NDST3: variants seen among roughly 807,000 people sequenced by gnomAD.
NDST3 encodes the protein bifunctional heparan sulfate N-deacetylase/N-sulfotransferase 3.
NDST3 carries 58 observed loss-of-function variants against 96.1 expected under a neutral mutation model. The ratio of observed to expected loss-of-function variants is 0.60; its 90% confidence interval spans 0.49 to 0.75. The LOEUF is 0.75. Ranked by LOEUF, NDST3 falls within the 30% of genes least tolerant of loss-of-function variation. The probability of loss-of-function intolerance (pLI) is 0.00; values close to 1 mark genes in which losing one functional copy is unlikely to be tolerated. For missense variants in NDST3, 788 were observed against 1,034.2 expected, an observed-to-expected ratio of 0.76 and a Z score of 3.27; for synonymous variants, 333 against 359.7, an observed-to-expected ratio of 0.93 and a Z score of 0.84.
intron 2 of NDST3, among the ~76,000 whole-genome samples, chr4:118,082,099 T>C (rs923036548): frequency 4.6e-5 from 7 of 152,166 alleles, no homozygotes; most frequent in African/African-American, 1.7e-4. Flanking sequence ...CAAATTCCTA[T>C]CACAAAGTCT....
intron 1 of NDST3, among the ~76,000 whole-genome samples, chr4:118,038,082 C>T (rs1005224083): frequency 1.3e-5 from 2 of 152,182 alleles, no homozygotes; most frequent in Non-Finnish European, 2.9e-5. Context: ...TTAACACTCT[C>T]TTGTTCCCAT....
chr4:118,250,455 T>C (rs1741619257), intron 12 of NDST3, among the ~76,000 whole-genome samples: 1 of 152,184 alleles, frequency 6.6e-6, no homozygotes, highest in African/African-American at 2.4e-5. Context: ...TGACCATTCA[T>C]ATGTGTTCTT....
chr4:118,128,357 C>A (rs1055946999), intron 4 of NDST3, among the ~76,000 whole-genome samples: 1 of 151,848 alleles, frequency 6.6e-6, no homozygotes, highest in Non-Finnish European at 1.5e-5. Flanking sequence ...GAGGTATGTA[C>A]CTTCTATACC....
intron 6 of NDST3, among the ~76,000 whole-genome samples, chr4:118,143,927 A>T (rs1331162213): frequency 6.6e-6 from 1 of 152,180 alleles, no homozygotes; most frequent in Non-Finnish European, 1.5e-5. Flanking sequence ...CCTCCTTTGC[A>T]TTGCAAAGTG....
intron 6 of NDST3, among the ~76,000 whole-genome samples, chr4:118,178,463 T>G (rs973423768): frequency 1.3e-5 from 2 of 152,102 alleles, no homozygotes; most frequent in East Asian, 3.8e-4. Flanking sequence ...TTATTTCACT[T>G]AGCATAATAT....
At chr4:118,200,436 C>G (rs532128246) in intron 6 of NDST3, among the ~76,000 whole-genome samples, 1 of 152,264 alleles carries the variant, frequency 6.6e-6, no homozygotes, top group African/African-American at 2.4e-5. Flanking sequence ...TGGGACTCAC[C>G]CTTTAGAGCA....
At position 118,054,399 on chromosome 4, in the gene NDST3, A is replaced by T. The variant is rs1046402664; in HGVS notation, c.489A>T (p.Gly163=). ...YCVEYGVGVI[G]FHKTSEKSVQ... is the part of the protein sequence containing the mutation. ...TAGAATATGGTGTGGGTGTCATTGG[A>T]TTCCACAAAACTAGTGAGAAGAGTG... Residue 163 remains glycine (G), a synonymous_variant, in exon 2 of 14, where the codon GGA becomes GGT. Transcript: ENST00000296499. 1.9e-6 allele frequency: 3 copies of T among 1,612,814 alleles called. No individual in the cohort carries two copies. In the East Asian group the frequency reaches 6.7e-5, roughly 36 times the overall value.
At chr4:118,226,291 G>A (rs1034417120) in intron 7 of NDST3, among the ~76,000 whole-genome samples, 1 of 152,032 alleles carries the variant, frequency 6.6e-6, no homozygotes, top group Non-Finnish European at 1.5e-5. Context: ...AATCCCTAAG[G>A]TAGTAATTCA....
chr4:118,065,801 T>C (rs1726268933), intron 2 of NDST3, among the ~76,000 whole-genome samples: 1 of 151,572 alleles, frequency 6.6e-6, no homozygotes, highest in Non-Finnish European at 1.5e-5. Context: ...GTTCATCCCT[T>C]CTGTCTTTAT....
intron 6 of NDST3, among the ~76,000 whole-genome samples, chr4:118,160,324 T>C (rs918904355): frequency 6.6e-6 from 1 of 152,066 alleles, no homozygotes. Context: ...TGTCCTTCAA[T>C]AATGAAGGAG....
chr4:118,145,462 C>G (rs952930176), intron 6 of NDST3, among the ~76,000 whole-genome samples: 1 of 152,100 alleles, frequency 6.6e-6, no homozygotes, highest in African/African-American at 2.4e-5. Context: ...GGAAGAAATT[C>G]AAAGTTAAAT....
chr4:118,049,776 T>A (rs955565903), intron 1 of NDST3, among the ~76,000 whole-genome samples: 1 of 150,282 alleles, frequency 6.7e-6, no homozygotes, highest in Non-Finnish European at 1.5e-5. Flanking sequence ...CTGGAGCAGA[T>A]GGATTCACAG....
chr4:118,106,386 C>T (rs1730183542), intron 3 of NDST3, among the ~76,000 whole-genome samples: 1 of 151,920 alleles, frequency 6.6e-6, no homozygotes, highest in Non-Finnish European at 1.5e-5. Flanking sequence ...TGCTCTGTTG[C>T]CCAGGATAGA....
At chr4:118,173,761 T>C (rs936050688) in intron 6 of NDST3, among the ~76,000 whole-genome samples, 1 of 152,062 alleles carries the variant, frequency 6.6e-6, no homozygotes, top group East Asian at 1.9e-4. Context: ...ATATAAAAAT[T>C]TTTTGAACAA....
chr4:118,158,316 C>T (rs1001661150), intron 6 of NDST3, among the ~76,000 whole-genome samples: 4 of 152,008 alleles, frequency 2.6e-5, no homozygotes, highest in African/African-American at 9.7e-5. Context: ...TCTGGAACAC[C>T]TTGTACCAGA....
At chr4:118,033,640 C>G (rs948008693), upstream of NDST3, 3 of 151,714 alleles carry the variant, frequency 2.0e-5, no homozygotes, top group East Asian at 5.9e-4. Context: ...GAGGCGCGGC[C>G]GGGCGGGTCC....
intron 2 of NDST3, among the ~76,000 whole-genome samples, chr4:118,088,532 A>G (rs561990473): frequency 6.6e-6 from 1 of 152,084 alleles, no homozygotes; most frequent in Non-Finnish European, 1.5e-5. Flanking sequence ...GGATACCTGA[A>G]GAAACAACAC....
chr4:118,121,977 C>G (rs572032651), intron 4 of NDST3, among the ~76,000 whole-genome samples: 4 of 152,206 alleles, frequency 2.6e-5, no homozygotes, highest in Non-Finnish European at 5.9e-5. Flanking sequence ...ACTCCATACT[C>G]TCTAACAAGA....
At chr4:118,195,620 T>C (rs946000195) in intron 6 of NDST3, among the ~76,000 whole-genome samples, 3 of 152,266 alleles carry the variant, frequency 2.0e-5, no homozygotes, top group African/African-American at 7.2e-5. Flanking sequence ...GTGGCTATTA[T>C]AATTAGGATT....
Sources: gnomAD v4.1 joint callset for allele counts (sites outside exome capture counted in the v4.1 genomes callset) on GRCh38, gnomAD v4.1.1 for gene constraint, MANE v1.5 for transcripts, NCBI Gene and HGNC (gene_info 2026-07-23, HGNC 2026-07-21) for gene names.